PARVA: variants seen among roughly 807,000 people sequenced by gnomAD.
PARVA encodes alpha-parvin.
Under a neutral mutation model 52.6 loss-of-function variants are expected in PARVA, and 25 were observed. The ratio of observed to expected loss-of-function variants is 0.48; its 90% CI spans 0.35 to 0.66. PARVA has a LOEUF of 0.66. Among genes scored for constraint, PARVA ranks in the 30% least tolerant of loss-of-function variants. The pLI, the probability that PARVA is intolerant of heterozygous loss-of-function variation, is 0.01. For missense variants in PARVA, 373 were observed against 450.9 expected, an observed-to-expected ratio of 0.83 and a Z score of 1.56; for synonymous variants, 185 against 179.1, an observed-to-expected ratio of 1.03 and a Z score of -0.26.
chr11:12,501,658 A>G (rs370353687), intron 5 of PARVA, among the ~76,000 whole-genome samples: 95 of 152,362 alleles, frequency 6.2e-4, no homozygotes, highest in Admixed American at 1.4e-3. Context: ...GTTATTGGAC[A>G]TAGTGTTTTC....
At chr11:12,521,284 A>G (rs1045039834) in intron 12 of PARVA, among the ~76,000 whole-genome samples, 1 of 152,210 alleles carries the variant, frequency 6.6e-6, no homozygotes, top group Non-Finnish European at 1.5e-5. Flanking sequence ...GGCTGATAAC[A>G]TGGAAAATGT....
At chr11:12,491,887 C>A (rs1941238568) in intron 4 of PARVA, among the ~76,000 whole-genome samples, 1 of 152,156 alleles carries the variant, frequency 6.6e-6, no homozygotes, top group Non-Finnish European at 1.5e-5. Flanking sequence ...GTATTCTTTT[C>A]AACTGCTCAT....
chr11:12,475,368 G>T (rs1008819585), intron 3 of PARVA, among the ~76,000 whole-genome samples: 1 of 152,156 alleles, frequency 6.6e-6, no homozygotes, highest in East Asian at 1.9e-4. Context: ...TTCTGTTGTC[G>T]TCTCCACGTA....
intron 8 of PARVA, 37 bp from the exon 9 acceptor site, chr11:12,513,262 G>T: frequency 6.2e-7 from 1 of 1,604,522 alleles, no homozygotes; most frequent in South Asian, 1.1e-5. Flanking sequence ...CCAGGGATCA[G>T]CTCTTGTGCT....
At chr11:12,395,838 A>G (rs1461361196) in intron 1 of PARVA, among the ~76,000 whole-genome samples, 3 of 152,188 alleles carry the variant, frequency 2.0e-5, no homozygotes, top group Non-Finnish European at 4.4e-5. Context: ...GTCCTAAATC[A>G]ATATTTTGGA....
chr11:12,391,769 T>G (rs1939662981), intron 1 of PARVA, among the ~76,000 whole-genome samples: 2 of 152,218 alleles, frequency 1.3e-5, no homozygotes, highest in South Asian at 4.1e-4. Flanking sequence ...AGACTTCTTA[T>G]GAGCTGGGAA....
At chr11:12,445,731 C>T (rs1395096528) in intron 1 of PARVA, among the ~76,000 whole-genome samples, 1 of 152,040 alleles carries the variant, frequency 6.6e-6, no homozygotes, top group South Asian at 2.1e-4. Flanking sequence ...AAAAGCGGGA[C>T]GTTTAAAATA....
At chr11:12,486,523 A>AACTC (rs1242191022) in intron 4 of PARVA, among the ~76,000 whole-genome samples, 7 of 152,030 alleles carry the variant, frequency 4.6e-5, no homozygotes, top group African/African-American at 1.7e-4. Context: ...ACAAGAGCGA[A>AACTC]ACTCTGTCTC....
intron 4 of PARVA, among the ~76,000 whole-genome samples, chr11:12,483,839 T>C (rs1941121988): frequency 6.6e-6 from 1 of 152,146 alleles, no homozygotes; most frequent in Non-Finnish European, 1.5e-5. Context: ...TGACATACAC[T>C]TCATCCTCTC....
At chr11:12,440,775 T>C (rs11022357) in intron 1 of PARVA, among the ~76,000 whole-genome samples, 123,335 of 152,104 alleles carry the variant, frequency 0.81, 53,483 homozygotes, top group East Asian at 1. Context: ...CTCCTTGCCA[T>C]AGGGCCCCTC....
intron 5 of PARVA, among the ~76,000 whole-genome samples, chr11:12,498,733 C>G (rs985142265): frequency 1.3e-5 from 2 of 152,034 alleles, no homozygotes; most frequent in Non-Finnish European, 2.9e-5. Flanking sequence ...CCCCACCACG[C>G]CCACCTAACT....
At position 12,484,790 on chromosome 11, in the gene PARVA, G is replaced by GTGTT. The variant is rs538335766; in HGVS notation, c.400+6844_400+6847dup. On this transcript the variant is annotated intron_variant, in intron 4 of 12. Coordinates refer to ENST00000334956, the MANE Select transcript of PARVA (RefSeq NM_018222.5). ...GTTTCAGGAAAGAGGGGGTATTTTG[G>GTGTT]TGTTTGATTTTTGTTGACTTTTTTT... 4.4e-3 allele frequency among the ~76,000 whole-genome samples: 658 copies of GTGTT among 149,164 alleles called. 4 individuals carry two copies. Among genetic ancestry groups the GTGTT allele is most frequent in the Middle Eastern group, 0.01 (3 of 286 alleles).
At chr11:12,500,502 C>T (rs1175887679) in intron 5 of PARVA, among the ~76,000 whole-genome samples, 1 of 152,066 alleles carries the variant, frequency 6.6e-6, no homozygotes, top group African/African-American at 2.4e-5. Context: ...TGAAAATAGG[C>T]AAAAAGGCTG....
intron 4 of PARVA, among the ~76,000 whole-genome samples, chr11:12,481,373 G>A (rs745798696): frequency 4.6e-4 from 69 of 151,362 alleles, no homozygotes; most frequent in Non-Finnish European, 7.1e-4. Context: ...CTCCAGCTTC[G>A]GCCATTGGGA....
intron 1 of PARVA, among the ~76,000 whole-genome samples, chr11:12,426,702 G>A (rs190369339): frequency 2.0e-5 from 3 of 152,254 alleles, no homozygotes; most frequent in Admixed American, 6.5e-5. Context: ...TTGTGAAAGG[G>A]GCCAGGGTAT....
chr11:12,497,773 A>G (rs925491015), intron 5 of PARVA, among the ~76,000 whole-genome samples: 2 of 152,144 alleles, frequency 1.3e-5, no homozygotes, highest in Non-Finnish European at 1.5e-5. Flanking sequence ...AGTATTGTCA[A>G]TGGGGGAGAA....
upstream of PARVA, chr11:12,376,771 G>A (rs1015290314): frequency 1.0e-6 from 1 of 967,558 alleles, no homozygotes; most frequent in African/African-American, 1.8e-5. Flanking sequence ...ATCATTTCCA[G>A]TATGAGTCCT....
intron 1 of PARVA, among the ~76,000 whole-genome samples, chr11:12,453,844 T>G (rs1055164902): frequency 2.0e-5 from 3 of 152,190 alleles, no homozygotes; most frequent in African/African-American, 7.2e-5. Flanking sequence ...TAAGCAACCT[T>G]CAGCCACAGT....
At chr11:12,417,390 C>T (rs1183622142) in intron 1 of PARVA, among the ~76,000 whole-genome samples, 1 of 152,030 alleles carries the variant, frequency 6.6e-6, no homozygotes, top group Admixed American at 6.5e-5. Context: ...GCTATATTAA[C>T]TGAAACTTTT....
Sources: gnomAD v4.1 joint callset for allele counts (sites outside exome capture counted in the v4.1 genomes callset) on GRCh38, gnomAD v4.1.1 for gene constraint, MANE v1.5 for transcripts, NCBI Gene and HGNC (gene_info 2026-07-23, HGNC 2026-07-21) for gene names.